UBE4A: variants seen among roughly 807,000 people sequenced by gnomAD.
UBE4A encodes ubiquitin conjugation factor E4 A.
UBE4A carries 48 observed loss-of-function variants against 117.9 expected under a neutral mutation model. The observed-to-expected ratio is 0.41, with a 90% confidence interval of 0.32 to 0.52. The LOEUF is 0.52. Among genes scored for constraint, UBE4A ranks in the 20% least tolerant of loss-of-function variants. The probability of loss-of-function intolerance (pLI) is 0.33; values close to 1 mark genes in which losing one functional copy is unlikely to be tolerated. For synonymous variants in UBE4A, 407 were observed against 450.0 expected, an observed-to-expected ratio of 0.90 and a Z score of 1.21; for missense variants, 1,067 against 1,296.3, an observed-to-expected ratio of 0.82 and a Z score of 2.72.
chr11:118,365,682 C>A (rs976919860), intron 2 of UBE4A, among the ~76,000 whole-genome samples: 3 of 152,222 alleles, frequency 2.0e-5, no homozygotes, highest in African/African-American at 7.2e-5. Flanking sequence ...AAGCTCAGCA[C>A]TTCAAAGGCC....
chr11:118,366,885 A>G (rs780995805), intron 2 of UBE4A, among the ~76,000 whole-genome samples: 2 of 152,226 alleles, frequency 1.3e-5, no homozygotes, highest in African/African-American at 2.4e-5. Context: ...CCTGGCCAAC[A>G]TGACAAAACC....
chr11:118,373,495 T>C lies in UBE4A; in HGVS notation c.926T>C (p.Val309Ala), dbSNP rs748672075. The C allele has an allele frequency of 1.2e-6, 2 of 1,611,026 alleles. No homozygotes were observed. The highest frequency in any genetic ancestry group is 3.4e-5 in the Admixed American group (2 of 59,394). Residue 309 changes from valine to alanine, a missense_variant and splice_region_variant, in exon 8 of 20, where the codon GTT becomes GCT. Coordinates refer to ENST00000252108, the MANE Select transcript of UBE4A (RefSeq NM_001204077.2). ...YFTRQKDMAK[V>A]FVEYIQPKDP... is the part of the protein sequence containing the mutation. ...AGCAGAACTTGTCTTCTCTTACAGG[T>C]TTTTGTAGAATACATTCAGCCCAAG...
Position 118,374,960 on chromosome 11 carries a change from A to C in UBE4A, c.1181A>C (p.Glu394Ala). ...MLKNLLQLSP[E>A]TKHCILSWLG... ...AAGAACTTACTCCAGCTCTCTCCAGAAACCAAACACTGTATCTTGTCCTGG... is the reference window on the plus strand; with the variant it reads ...AAGAACTTACTCCAGCTCTCTCCAGCAACCAAACACTGTATCTTGTCCTGG... Residue 394 changes from glutamate (E) to alanine (A), a missense_variant, in exon 9 of 20, where the codon GAA (glutamate) becomes GCA (alanine). This residue lies in a region of UBE4A where 1,001 missense variants were observed against 1,184.0 expected (regional missense o/e 0.85). Coordinates refer to ENST00000252108, the MANE Select transcript of UBE4A (RefSeq NM_001204077.2). 6.3e-7 allele frequency: 1 copy of C among 1,589,842 alleles called. No individual in the cohort carries two copies.
At chr11:118,368,396 A>T (rs549724666) in intron 2 of UBE4A, among the ~76,000 whole-genome samples, 1 of 152,334 alleles carries the variant, frequency 6.6e-6, no homozygotes, top group African/African-American at 2.4e-5. Flanking sequence ...GGCAGTGTGG[A>T]GTATAATTAT....
At chr11:118,392,662 TCTTGCTCTGTCATTGAGCA>T in intron 18 of UBE4A, 57 bp from the exon 19 acceptor site, 1 of 1,422,446 alleles carries the variant, frequency 7.0e-7, no homozygotes, top group Non-Finnish European at 9.6e-7. Flanking sequence ...TGAGATGGAG[TCTTGCTCTGTCATTGAGCA>T]CGCTGAATTC....
At chr11:118,379,948 C>T (rs1948686495) in intron 11 of UBE4A, among the ~76,000 whole-genome samples, 198 bp downstream of exon 11, 1 of 152,192 alleles carries the variant, frequency 6.6e-6, no homozygotes, top group African/African-American at 2.4e-5. Context: ...TTGTGTCCCC[C>T]TGCTATGCAT....
rs749377737 is a variant in UBE4A at position 118,373,509 on chromosome 11, A to G, written c.940A>G (p.Ile314Val). The G allele has an allele frequency of 3.7e-6, 6 of 1,612,944 alleles. No homozygotes were observed. In the South Asian group the frequency reaches 5.5e-5, roughly 15 times the overall value. ...KDMAKVFVEY[I>V]QPKDPTNGQM... ...TCTCTTACAGGTTTTTGTAGAATAC[A>G]TTCAGCCCAAGGACCCTACCAATGG... The change falls in exon 8 of 20, where the codon ATT becomes GTT. Residue 314 changes from isoleucine to valine, a missense_variant. Physicochemically the swap from Ile to Val is conservative, Grantham distance 29. Transcript: ENST00000252108.
chr11:118,370,098 A>G (rs1318157143), intron 4 of UBE4A, among the ~76,000 whole-genome samples: 2 of 152,010 alleles, frequency 1.3e-5, no homozygotes, highest in African/African-American at 4.8e-5. Flanking sequence ...TCTCAAAAAA[A>G]AAAAAGAAAA....
intron 8 of UBE4A, 101 bp from the exon 9 acceptor site, chr11:118,374,795 T>A (rs1948636876): frequency 9.1e-7 from 1 of 1,096,818 alleles, no homozygotes; most frequent in Non-Finnish European, 1.3e-6. Flanking sequence ...GGGGAAAGAT[T>A]AGGATTAGCA....
Position 118,374,927 on chromosome 11 carries a change from A to G in UBE4A, c.1148A>G (p.Gln383Arg), listed in dbSNP as rs1948637882. ...GCTCAGTTCCACGAAAAGATCTACCAGATGCTGAAGAACTTACTCCAGCTC... is the reference window on the plus strand; with the variant it reads ...GCTCAGTTCCACGAAAAGATCTACCGGATGCTGAAGAACTTACTCCAGCTC... ...FMAQFHEKIY[Q>R]MLKNLLQLSP... The change falls in exon 9 of 20, where the codon CAG becomes CGG. Residue 383 changes from glutamine (Q) to arginine (R), a missense_variant. This residue lies in a region of UBE4A where 1,001 missense variants were observed against 1,184.0 expected (regional missense o/e 0.85). Transcript: ENST00000252108. 2 of 1,550,554 alleles carry G rather than the reference A, an allele frequency of 1.3e-6. No individual in the cohort carries two copies. Among genetic ancestry groups the G allele is most frequent in the Non-Finnish European group, 8.7e-7 (1 of 1,146,276 alleles).
chr11:118,361,309 T>G (rs913302523), intron 1 of UBE4A, among the ~76,000 whole-genome samples: 5 of 152,186 alleles, frequency 3.3e-5, no homozygotes, highest in Admixed American at 3.3e-4. Flanking sequence ...CATGACCTAC[T>G]GCGCCCGGCG....
chr11:118,372,985 T>TA (rs34104337), intron 6 of UBE4A, 101 bp from the exon 7 acceptor site: 32,965 of 956,484 alleles, frequency 0.034, 25 homozygotes, highest in African/African-American at 0.05. Flanking sequence ...CCCCCAGCTC[T>TA]AAAAAAAAAA....
chr11:118,378,435 C>G (rs1426555330), intron 10 of UBE4A: 1 of 152,116 alleles, frequency 6.6e-6, no homozygotes, highest in African/African-American at 2.4e-5. Flanking sequence ...CTTCCAAAAA[C>G]AGTTCTGGTT....
At chr11:118,365,334 A>G in intron 2 of UBE4A, 133 bp downstream of exon 2, 1 of 1,328,832 alleles carries the variant, frequency 7.5e-7, no homozygotes, top group Non-Finnish European at 9.9e-7. Flanking sequence ...TTGTTTGTTG[A>G]GAGCAGAAAT....
intron 1 of UBE4A, among the ~76,000 whole-genome samples, 167 bp from the exon 2 acceptor site, chr11:118,364,873 C>A (rs1948550478): frequency 6.6e-6 from 1 of 151,972 alleles, no homozygotes; most frequent in South Asian, 2.1e-4. Context: ...AGGTTTGTAA[C>A]CATTTTGCCA....
chr11:118,382,493 G>A, intron 12 of UBE4A, 96 bp from the exon 13 acceptor site: 1 of 1,111,706 alleles, frequency 9.0e-7, no homozygotes, highest in African/African-American at 1.7e-5. Context: ...CCTGTAATAT[G>A]GTTTAGGGTG....
chr11:118,382,440 GA>G (rs1194513033), intron 12 of UBE4A, 148 bp from the exon 13 acceptor site: 4 of 247,356 alleles, frequency 1.6e-5, no homozygotes, highest in African/African-American at 2.7e-5. Flanking sequence ...GCCGCACCAA[GA>G]AACTGACAAA....
In UBE4A at chr11:118,386,622, T is replaced by C. The variant is rs1948761258; in HGVS notation, c.2587+10T>C. On this transcript the variant is annotated intron_variant, in intron 16 of 19. Coordinates refer to ENST00000252108, the MANE Select transcript of UBE4A (RefSeq NM_001204077.2). ...GCCTTTCTCACATCAGGTAAGGACA[T>C]GAAGTACTGCTTCCCCCCAAAAAAG... is the stretch of plus-strand genomic sequence containing the variant. 3 of 1,532,002 alleles carry C rather than the reference T, an allele frequency of 2.0e-6. No individual in the cohort carries two copies. The East Asian group carries it at 7.5e-5, about 38-fold the overall frequency. The allele number at this position is 1,532,002 out of a possible 1,614,324, so 94.9% of individuals were successfully genotyped here. A position where few individuals can be genotyped will look rare whatever the true frequency, so the allele number is the denominator to read the frequency against.
intron 18 of UBE4A, 112 bp downstream of exon 18, chr11:118,390,916 C>A: frequency 1.5e-6 from 2 of 1,367,062 alleles, no homozygotes; most frequent in Non-Finnish European, 1.0e-6. Context: ...GCTAGAGGAT[C>A]ACTTAAGCCC....
Sources: gnomAD v4.1 joint callset for allele counts (sites outside exome capture counted in the v4.1 genomes callset) on GRCh38, gnomAD v4.1.1 for gene constraint, gnomAD v4.1.1 regional missense constraint, MANE v1.5 for transcripts, NCBI Gene and HGNC (gene_info 2026-07-23, HGNC 2026-07-21) for gene names.